The following PSMA1 variants were observed in gnomAD, a reference collection of about 807,000 sequenced individuals.
PSMA1 encodes proteasome 20S subunit alpha 1, also known as proteasome subunit alpha type-1.
In PSMA1, 3 loss-of-function variants were observed where a neutral mutation model predicts 38.4. The ratio of observed to expected loss-of-function variants is 0.08; its 90% CI spans 0.04 to 0.20. The LOEUF is 0.20. PSMA1 is among the 10% of genes least tolerant of loss of function. The pLI is 1.00. For missense variants in PSMA1, 227 were observed against 325.3 expected, an observed-to-expected ratio of 0.70 and a Z score of 2.32; for synonymous variants, 101 against 107.1, an observed-to-expected ratio of 0.94 and a Z score of 0.35.
intron 1 of PSMA1, among the ~76,000 whole-genome samples, chr11:14,640,020 A>G (rs770500883): frequency 2.6e-4 from 40 of 152,272 alleles, no homozygotes; most frequent in Non-Finnish European, 4.3e-4. Context: ...CTTCACCATT[A>G]TATCTTTGTC....
intron 8 of PSMA1, among the ~76,000 whole-genome samples, chr11:14,509,137 A>C (rs187170705): frequency 3.3e-5 from 5 of 152,324 alleles, no homozygotes; most frequent in Admixed American, 3.3e-4. Flanking sequence ...ACCGTCAATT[A>C]GACAAAAAGG....
Position 14,545,427 on chromosome 11 carries a change from C to T in PSMA1, c.22-26386G>A, listed in dbSNP as rs1851815106. On this transcript the variant is annotated intron_variant, in intron 2 of 10. Transcript: ENST00000418988. Reference sequence around the variant, plus strand: ...TCAACCCATCACCTAGGTACTAAGCCTTGCTTGCATTAGCTATTTATCCTG... The same window carrying T: ...TCAACCCATCACCTAGGTACTAAGCTTTGCTTGCATTAGCTATTTATCCTG... Among the ~76,000 whole-genome samples the T allele has an allele frequency of 2.0e-5, 3 of 152,298 alleles. No individual in the cohort carries two copies. The South Asian group carries it at 6.2e-4, about 32-fold the overall frequency.
chr11:14,569,444 G>A (rs1405962416), intron 2 of PSMA1, among the ~76,000 whole-genome samples: 1 of 152,194 alleles, frequency 6.6e-6, no homozygotes, highest in Non-Finnish European at 1.5e-5. Flanking sequence ...AGGGATTGGG[G>A]AATTCCCTTT....
intron 8 of PSMA1, 42 bp from the exon 9 acceptor site, chr11:14,507,808 G>A (rs762433071): frequency 7.0e-6 from 9 of 1,289,826 alleles, no homozygotes; most frequent in South Asian, 1.3e-5. Flanking sequence ...AGAGAATTTG[G>A]ATGAAAAAAT....
intron 2 of PSMA1, among the ~76,000 whole-genome samples, chr11:14,538,260 C>T (rs566799992): frequency 6.6e-6 from 1 of 152,010 alleles, no homozygotes; most frequent in African/African-American, 2.4e-5. Flanking sequence ...AAAAAGAATA[C>T]GTGTAGTGGA....
At chr11:14,541,938 A>T (rs1389851250) in intron 2 of PSMA1, among the ~76,000 whole-genome samples, 1 of 152,226 alleles carries the variant, frequency 6.6e-6, no homozygotes, top group Non-Finnish European at 1.5e-5. Context: ...AATGAGCATT[A>T]TCAGTATTTC....
At chr11:14,531,518 A>G (rs139102066) in intron 2 of PSMA1, among the ~76,000 whole-genome samples, 17 of 152,278 alleles carry the variant, frequency 1.1e-4, no homozygotes, top group Middle Eastern at 6.8e-3. Context: ...GCTAGAGTGC[A>G]ATGGCGCGAA....
At chr11:14,581,240 C>A (rs548201184) in intron 2 of PSMA1, among the ~76,000 whole-genome samples, 1 of 152,140 alleles carries the variant, frequency 6.6e-6, no homozygotes, top group Non-Finnish European at 1.5e-5. Flanking sequence ...GTTCTAAGGG[C>A]ATATAATTCA....
At chr11:14,511,363 C>T (rs1259043230) in intron 7 of PSMA1, among the ~76,000 whole-genome samples, 1 of 152,040 alleles carries the variant, frequency 6.6e-6, no homozygotes, top group Non-Finnish European at 1.5e-5. Flanking sequence ...GAAAATAAAA[C>T]TACAGACCCA....
intron 1 of PSMA1, among the ~76,000 whole-genome samples, chr11:14,620,890 T>C (rs1852835738): frequency 6.6e-6 from 1 of 152,174 alleles, no homozygotes; most frequent in African/African-American, 2.4e-5. Flanking sequence ...TTCCTGAGAG[T>C]TATCAAGATC....
rs756644595 is a variant in PSMA1, at chr11:14,507,728, A to G, written c.663T>C (p.Phe221=). The G allele has an allele frequency of 1.1e-5, 17 of 1,613,122 alleles. No individual in the cohort carries two copies. In the South Asian group the frequency reaches 1.6e-4, roughly 16 times the overall value. The part of the protein sequence containing the change: ...SIGIVGKDLE[F]TIYDDDDVSP... ...ACACATCATCATCATCATAGATTGT[A>G]AACTCCAAGTCTTTACCAACAATTC... is the stretch of plus-strand genomic sequence containing the variant. Residue 221 remains phenylalanine (F), a synonymous_variant, in exon 9 of 10, where the codon TTT becomes TTC. Coordinates refer to ENST00000396394, the MANE Select transcript of PSMA1 (RefSeq NM_002786.4).
upstream of PSMA1, among the ~76,000 whole-genome samples, chr11:14,523,260 AAAC>A (rs564498790): frequency 5.3e-5 from 8 of 152,226 alleles, no homozygotes; most frequent in South Asian, 2.1e-4. Flanking sequence ...ACATCGTTAA[AAAC>A]AACAACAACA....
Position 14,545,436 on chromosome 11 carries a change from A to G in PSMA1, c.22-26395T>C, listed in dbSNP as rs531723202. 3.3e-5 allele frequency among the ~76,000 whole-genome samples: 5 copies of G among 152,308 alleles called. No individual in the cohort carries two copies. The South Asian group carries it at 8.3e-4, about 25-fold the overall frequency. The stretch of plus-strand genomic sequence containing the variant: ...CACCTAGGTACTAAGCCTTGCTTGC[A>G]TTAGCTATTTATCCTGATGCTCTCC... On this transcript the variant is annotated intron_variant, in intron 2 of 10. Transcript: ENST00000418988.
intron 2 of PSMA1, among the ~76,000 whole-genome samples, chr11:14,540,367 T>G (rs1851760218): frequency 6.6e-6 from 1 of 152,186 alleles, no homozygotes; most frequent in Admixed American, 6.5e-5. Flanking sequence ...CACAGTGAAC[T>G]AGACAGGCTT....
At chr11:14,554,256 C>T (rs1032884777) in intron 2 of PSMA1, among the ~76,000 whole-genome samples, 6 of 152,076 alleles carry the variant, frequency 3.9e-5, no homozygotes, top group African/African-American at 7.2e-5. Flanking sequence ...CACCTTCTTT[C>T]AGCCTGTGTC....
chr11:14,516,017 C>A (rs953074082), intron 4 of PSMA1, among the ~76,000 whole-genome samples: 1 of 151,378 alleles, frequency 6.6e-6, no homozygotes, highest in Non-Finnish European at 1.5e-5. Context: ...CTAGACCAGC[C>A]TGGCCAATAT....
At position 14,506,336 on chromosome 11, in the gene PSMA1, T is replaced by C. The variant is rs181858636; in HGVS notation, c.736-1088A>G. ...CAATCAGCACTTTTTAGACATTCTT[T>C]TCCCCTTTGCCAAACTAGTTTGTGG... is the stretch of plus-strand genomic sequence containing the variant. On this transcript the variant is annotated intron_variant, in intron 9 of 9. Coordinates refer to ENST00000396394, the MANE Select transcript of PSMA1 (RefSeq NM_002786.4). Among the ~76,000 whole-genome samples, 714 of 152,308 alleles carry C rather than the reference T, an allele frequency of 4.7e-3. 1 individual carries two copies. Among genetic ancestry groups the C allele is most frequent in the Non-Finnish European group, 6.1e-3 (414 of 68,016 alleles).
intron 9 of PSMA1, among the ~76,000 whole-genome samples, chr11:14,506,898 G>A (rs1271626576): frequency 6.6e-6 from 1 of 152,176 alleles, no homozygotes; most frequent in Non-Finnish European, 1.5e-5. Context: ...CCTAGCAGAG[G>A]TCTCTGCCTT....
chr11:14,615,672 T>G (rs1442068309), intron 1 of PSMA1, among the ~76,000 whole-genome samples: 1 of 152,232 alleles, frequency 6.6e-6, no homozygotes, highest in African/African-American at 2.4e-5. Flanking sequence ...CTTATTAAAC[T>G]CTCTTTAATC....
Sources: gnomAD v4.1 joint callset for allele counts (sites outside exome capture counted in the v4.1 genomes callset) on GRCh38, gnomAD v4.1.1 for gene constraint, MANE v1.5 for transcripts, NCBI Gene and HGNC (gene_info 2026-07-23, HGNC 2026-07-21) for gene names.